The following SLC37A3 variants were observed in gnomAD, a reference collection of about 807,000 sequenced individuals.
SLC37A3 encodes sugar phosphate exchanger 3.
Under a neutral mutation model 67.1 loss-of-function variants are expected in SLC37A3, and 51 were observed. The observed-to-expected ratio is 0.76, with a 90% CI of 0.61 to 0.96. The LOEUF is 0.96. Ranked by LOEUF, SLC37A3 falls within the 40% of genes least tolerant of loss-of-function variation. The pLI is 0.00. For synonymous variants in SLC37A3, 214 were observed against 231.4 expected (o/e 0.92, Z 0.68); for missense variants, 508 against 603.0 (o/e 0.84, Z 1.65).
intron 7 of SLC37A3, 98 bp downstream of exon 7, chr7:140,355,570 G>GT: frequency 9.0e-7 from 1 of 1,116,252 alleles, no homozygotes; most frequent in Non-Finnish European, 1.3e-6. Flanking sequence ...GTTCTACATA[G>GT]TTTTAAATGG....
At chr7:140,368,340 C>T (rs1352117243) in intron 4 of SLC37A3, among the ~76,000 whole-genome samples, 3 of 152,078 alleles carry the variant, frequency 2.0e-5, no homozygotes, top group Non-Finnish European at 4.4e-5. Flanking sequence ...CCGAGGCAAG[C>T]GGATCGTCTG....
At chr7:140,371,702 G>A (rs1255850994) in intron 3 of SLC37A3, among the ~76,000 whole-genome samples, 1 of 152,024 alleles carries the variant, frequency 6.6e-6, no homozygotes, top group Non-Finnish European at 1.5e-5. Context: ...AAGATGAGCA[G>A]GATATATGAA....
intron 6 of SLC37A3, 56 bp from the exon 7 acceptor site, chr7:140,355,820 C>T: frequency 6.7e-7 from 1 of 1,483,964 alleles, no homozygotes; most frequent in East Asian, 2.3e-5. Flanking sequence ...ATACTCTGGG[C>T]AGTTCAAAAT....
At chr7:140,355,904 A>G (rs774560648) in intron 6 of SLC37A3, 140 bp from the exon 7 acceptor site, 11 of 681,092 alleles carry the variant, frequency 1.6e-5, no homozygotes, top group Admixed American at 2.7e-5. Flanking sequence ...TTAAAAATAC[A>G]CTAAAATGGG....
intron 1 of SLC37A3, among the ~76,000 whole-genome samples, chr7:140,388,668 G>A (rs1265904106): frequency 6.6e-6 from 1 of 151,572 alleles, no homozygotes; most frequent in Non-Finnish European, 1.5e-5. Flanking sequence ...AAAATTAGTT[G>A]GGCGTGGTAG....
At position 140,335,320 on chromosome 7, in the gene SLC37A3, G is replaced by A. The variant is rs1796088788; in HGVS notation, c.*92C>T. ...ACGCCTGACAATCCAAGATCAGGCTGGAGCTCCTAGACAAACCCAAATTAG... is the reference window on the plus strand; with the variant it reads ...ACGCCTGACAATCCAAGATCAGGCTAGAGCTCCTAGACAAACCCAAATTAG... On this transcript the variant is annotated 3_prime_UTR_variant, in exon 15 of 15. Transcript: ENST00000326232. The A allele has an allele frequency of 6.2e-7, 1 of 1,614,022 alleles. No individual in the cohort carries two copies. The highest frequency in any genetic ancestry group is 1.3e-5 in the African/African-American group (1 of 74,912).
chr7:140,374,913 C>T (rs562830623), intron 3 of SLC37A3, among the ~76,000 whole-genome samples: 4 of 152,020 alleles, frequency 2.6e-5, no homozygotes, highest in East Asian at 1.9e-4. Context: ...TTTGGGAGGC[C>T]GAGGTGGGGG....
At chr7:140,383,746 G>A (rs757936285) in intron 1 of SLC37A3, among the ~76,000 whole-genome samples, 1 of 151,868 alleles carries the variant, frequency 6.6e-6, no homozygotes, top group African/African-American at 2.4e-5. Context: ...GCACGATCTC[G>A]ACTCACTGCA....
chr7:140,356,827 T>C (rs1797048212), intron 6 of SLC37A3, among the ~76,000 whole-genome samples: 1 of 152,102 alleles, frequency 6.6e-6, no homozygotes, highest in Non-Finnish European at 1.5e-5. Flanking sequence ...CGCCAAGTGT[T>C]GGGAAGGGCA....
chr7:140,358,051 G>C (rs930814569), intron 6 of SLC37A3, among the ~76,000 whole-genome samples: 4 of 152,140 alleles, frequency 2.6e-5, no homozygotes, highest in African/African-American at 4.8e-5. Flanking sequence ...ACTCCAGCCT[G>C]GTGACAGAGC....
At chr7:140,365,528 C>G (rs1468602155) in intron 4 of SLC37A3, among the ~76,000 whole-genome samples, 1 of 152,124 alleles carries the variant, frequency 6.6e-6, no homozygotes, top group Non-Finnish European at 1.5e-5. Flanking sequence ...CAAGACCAGC[C>G]TGACCAACAT....
chr7:140,349,491 C>G (rs1418271330), intron 9 of SLC37A3, among the ~76,000 whole-genome samples: 2 of 147,602 alleles, frequency 1.4e-5, no homozygotes, highest in African/African-American at 5.0e-5. Context: ...CTCCTATATT[C>G]AACACATTAC....
rs960428550 is a variant in SLC37A3 at position 140,343,410 on chromosome 7, ACCTGGC to A, written c.1322_1326+1del. The A allele has an allele frequency of 4.3e-6, 7 of 1,612,642 alleles. No homozygotes were observed. The highest frequency in any genetic ancestry group is 2.7e-5 in the African/African-American group (2 of 74,848). ...ATCCCAGCCCCTCTCCTGTTCTCTC[ACCTGGC>A]CCACTGCAGCTCCAATGCTCCCCGA... On this transcript the variant is annotated splice_donor_variant and coding_sequence_variant, in exon 13 of 15. Coordinates refer to ENST00000326232, the MANE Select transcript of SLC37A3 (RefSeq NM_207113.3). LOFTEE classifies it high-confidence loss of function.
At chr7:140,387,689 T>TAA in intron 1 of SLC37A3, among the ~76,000 whole-genome samples, 1 of 108,326 alleles carries the variant, frequency 9.2e-6, no homozygotes, top group African/African-American at 3.6e-5. Context: ...AAATATATTA[T>TAA]ATATATTATA....
intron 4 of SLC37A3, among the ~76,000 whole-genome samples, chr7:140,367,607 G>T (rs887927764): frequency 6.6e-6 from 1 of 152,226 alleles, no homozygotes; most frequent in Non-Finnish European, 1.5e-5. Flanking sequence ...CATACTTAAA[G>T]ACAGCATCTT....
Position 140,337,319 on chromosome 7 carries a change from C to T in SLC37A3, c.1357G>A (p.Gly453Arg), listed in dbSNP as rs1796181680. ...YLVSLIRDKL[G>R]WMWVFYFFIL... ...AAAAAGTAGAAAACCCACATCCATC[C>T]TAGCTTGTCCCGGATCAGAGACACT... Residue 453 changes from glycine (G) to arginine (R), a missense_variant, in exon 14 of 15, where the codon GGA becomes AGA. Gly to Arg is a moderately radical substitution (Grantham distance 125). Coordinates refer to ENST00000326232, the MANE Select transcript of SLC37A3 (RefSeq NM_207113.3). 6.2e-7 allele frequency: 1 copy of T among 1,601,384 alleles called. No homozygotes were observed.
At position 140,348,448 on chromosome 7, in the gene SLC37A3, TTTTC is replaced by T. The variant is rs1278900622; in HGVS notation, c.1024+174_1024+177del. The T allele has an allele frequency of 4.6e-5, 29 of 624,466 alleles. No homozygotes were observed. The Admixed American group carries it at 1.3e-3, about 28-fold the overall frequency. The allele number at this position is 624,466 out of a possible 1,614,324, so 38.7% of individuals were successfully genotyped here. A position where few individuals can be genotyped will look rare whatever the true frequency, so the allele number is the denominator to read the frequency against. On this transcript the variant is annotated intron_variant, in intron 10 of 14. Coordinates refer to ENST00000326232, the MANE Select transcript of SLC37A3 (RefSeq NM_207113.3). ...CTTTCTATGGACCTCTTGTTTTTTC[TTTTC>T]TTTTCTTTTCTTTTTTTTTTTTTTT...
At chr7:140,372,861 T>G (rs1179072016) in intron 3 of SLC37A3, among the ~76,000 whole-genome samples, 1 of 147,136 alleles carries the variant, frequency 6.8e-6, no homozygotes, top group Non-Finnish European at 1.5e-5. Flanking sequence ...AGACTCTATC[T>G]CAAAAAAAAA....
intron 5 of SLC37A3, among the ~76,000 whole-genome samples, chr7:140,361,497 C>G (rs1797275222): frequency 1.9e-5 from 1 of 51,374 alleles, no homozygotes; most frequent in African/African-American, 9.2e-5. Flanking sequence ...GCCTCTCCCT[C>G]CCCCTCCCCC....
Sources: allele counts gnomAD v4.1 joint callset (sites outside exome capture counted in the v4.1 genomes callset), GRCh38; gene constraint gnomAD v4.1.1; transcripts MANE v1.5; gene names NCBI Gene and HGNC (gene_info 2026-07-23, HGNC 2026-07-21).